Variants in XPR1 observed in about 807,000 individuals in gnomAD.
XPR1 encodes xenotropic and polytropic retrovirus receptor 1.
Under a neutral mutation model 87.5 loss-of-function variants are expected in XPR1, and 28 were observed. That is an observed-to-expected ratio of 0.32 (90% CI 0.24 to 0.44). The LOEUF (loss-of-function observed/expected upper bound fraction) is 0.44, where lower values mean the gene tolerates loss of function less well. Ranked by LOEUF, XPR1 falls within the 20% of genes least tolerant of loss-of-function variation. The pLI is 1.00. For missense variants in XPR1, 559 were observed against 862.3 expected (o/e 0.65, Z 4.41); for synonymous variants, 300 against 306.1 (o/e 0.98, Z 0.21).
chr1:180,710,743 G>C (rs1161322177), intron 2 of XPR1, among the ~76,000 whole-genome samples: 1 of 152,212 alleles, frequency 6.6e-6, no homozygotes, highest in African/African-American at 2.4e-5. Flanking sequence ...TGGCGGCTGG[G>C]CAGAGGGTCT....
Position 180,643,346 on chromosome 1 carries a change from A to G in XPR1, c.69+11076A>G, listed in dbSNP as rs896402654. 5.3e-5 allele frequency among the ~76,000 whole-genome samples: 8 copies of G among 152,184 alleles called. No homozygotes were observed. In the South Asian group the frequency reaches 1.7e-3, roughly 32 times the overall value. ...TGTCTTATAATTAATGCTATGCCAT[A>G]GTTTAATTGGCAGACATTTTTCCAT... On this transcript the variant is annotated intron_variant, in intron 1 of 14. Transcript: ENST00000367590.
intron 11 of XPR1, among the ~76,000 whole-genome samples, chr1:180,840,367 G>A (rs1651462071): frequency 6.6e-6 from 1 of 151,926 alleles, no homozygotes; most frequent in African/African-American, 2.4e-5. Flanking sequence ...AAGAGGGAGG[G>A]CAGATATATT....
Position 180,704,278 on chromosome 1 carries a change from T to TATATATATATATATATATA in XPR1, c.121+21869_121+21870insATATATATATATATATAAT, listed in dbSNP as rs1192955477. On this transcript the variant is annotated intron_variant, in intron 2 of 14. Transcript: ENST00000367590. ...TATATATATATATATATATATATAT[T>TATATATATATATATATATA]ATCAGATTATCTGTTTTGTTACTAC... Among the ~76,000 whole-genome samples the TATATATATATATATATATA allele has an allele frequency of 1.7e-3, 53 of 31,914 alleles. 2 individuals are homozygous for TATATATATATATATATATA. Among genetic ancestry groups the TATATATATATATATATATA allele is most frequent in the African/African-American group, 3.8e-3 (42 of 11,002 alleles). The allele number at this position is 31,914 out of a possible 152,430, so 20.9% of individuals were successfully genotyped here. A position where few individuals can be genotyped will look rare whatever the true frequency, so the allele number is the denominator to read the frequency against.
chr1:180,695,716 C>T (rs1047072569), intron 2 of XPR1, among the ~76,000 whole-genome samples: 2 of 151,976 alleles, frequency 1.3e-5, no homozygotes, highest in African/African-American at 4.8e-5. Context: ...TGTTCTGGAG[C>T]CTTTGTTGAT....
chr1:180,852,443 T>TCCA (rs1167995549), intron 11 of XPR1, among the ~76,000 whole-genome samples: 5 of 152,086 alleles, frequency 3.3e-5, no homozygotes, highest in African/African-American at 1.2e-4. Context: ...CCCGACCCTA[T>TCCA]CCATACCTTC....
Position 180,889,645 on chromosome 1 carries a change from AAG to A in XPR1, c.*5581_*5582del, listed in dbSNP as rs1228747711. ...GAGCCACTCACATTTCAATTACAAA[AAG>A]AACAGAACTCTTAATCACGTTGTGA... is the stretch of plus-strand genomic sequence containing the variant. On this transcript the variant is annotated 3_prime_UTR_variant, in exon 15 of 15. Transcript: ENST00000367590. 1 of 152,278 alleles carries A rather than the reference AAG, an allele frequency of 6.6e-6. No individual in the cohort carries two copies. The allele number at this position is 152,278 out of a possible 1,614,324, so 9.4% of individuals were successfully genotyped here. A position where few individuals can be genotyped will look rare whatever the true frequency, so the allele number is the denominator to read the frequency against.
In XPR1 at chr1:180,889,666, G is replaced by T. The variant is rs1216002379; in HGVS notation, c.*5600G>T. 6.6e-6 allele frequency: 1 copy of T among 152,170 alleles called. No individual in the cohort carries two copies. The highest frequency in any genetic ancestry group is 2.1e-4 in the South Asian group (1 of 4,824). 9.4% of individuals were successfully genotyped at this position (152,170 alleles called of 1,614,324 possible). A position where few individuals can be genotyped will look rare whatever the true frequency, so the allele number is the denominator to read the frequency against. On this transcript the variant is annotated 3_prime_UTR_variant, in exon 15 of 15. Coordinates refer to ENST00000367590, the MANE Select transcript of XPR1 (RefSeq NM_004736.4). ...CAAAAAGAACAGAACTCTTAATCAC[G>T]TTGTGAAGATTAATTTCTTGCCATT...
At chr1:180,713,936 G>T (rs1227797534) in intron 2 of XPR1, among the ~76,000 whole-genome samples, 1 of 152,028 alleles carries the variant, frequency 6.6e-6, no homozygotes, top group Non-Finnish European at 1.5e-5. Flanking sequence ...GGAAGAGTTT[G>T]TATATATCTG....
At chr1:180,678,934 G>A (rs564717624) in intron 1 of XPR1, among the ~76,000 whole-genome samples, 15 of 151,078 alleles carry the variant, frequency 9.9e-5, no homozygotes, top group African/African-American at 3.4e-4. Context: ...GGTGGCTCAC[G>A]CCTGTAATCC....
intron 2 of XPR1, among the ~76,000 whole-genome samples, chr1:180,762,407 T>A (rs1040213777): frequency 6.6e-6 from 1 of 152,124 alleles, no homozygotes; most frequent in South Asian, 2.1e-4. Flanking sequence ...TAATTAAAAA[T>A]AGAAAAACTG....
At chr1:180,760,512 C>T (rs1647976051) in intron 2 of XPR1, among the ~76,000 whole-genome samples, 2 of 152,124 alleles carry the variant, frequency 1.3e-5, no homozygotes, top group Admixed American at 6.5e-5. Context: ...CTTCCATTCA[C>T]CATTGCTTCA....
At chr1:180,816,905 T>C (rs1474575427) in intron 7 of XPR1, among the ~76,000 whole-genome samples, 1 of 152,184 alleles carries the variant, frequency 6.6e-6, no homozygotes, top group African/African-American at 2.4e-5. Context: ...GGCAGGTCCT[T>C]CGGGAGGTGT....
rs971325761 is a variant in XPR1, at chr1:180,874,020, T to C, written c.1808+78T>C. On this transcript the variant is annotated intron_variant, in intron 13 of 14. Coordinates refer to ENST00000367590, the MANE Select transcript of XPR1 (RefSeq NM_004736.4). ...CCCAATACTTACAAATTAGAATTTA[T>C]TATAACTTGTACTTGAAAACCTTTA... 10 of 1,417,856 alleles carry C rather than the reference T, an allele frequency of 7.1e-6. No homozygotes were observed. In the African/African-American group the frequency reaches 1.5e-4, roughly 21 times the overall value. The allele number at this position is 1,417,856 out of a possible 1,614,324, so 87.8% of individuals were successfully genotyped here.
At chr1:180,663,838 A>G (rs1309206973) in intron 1 of XPR1, among the ~76,000 whole-genome samples, 1 of 152,128 alleles carries the variant, frequency 6.6e-6, no homozygotes, top group African/African-American at 2.4e-5. Context: ...ACCTCGGCTG[A>G]GCAGGCGCTG....
intron 2 of XPR1, among the ~76,000 whole-genome samples, chr1:180,701,823 C>G (rs1469700144): frequency 7.1e-6 from 1 of 140,672 alleles, no homozygotes; most frequent in Non-Finnish European, 1.5e-5. Flanking sequence ...TGATTCTTCT[C>G]TCTTTTTTTC....
Position 180,889,643 on chromosome 1 carries a change from A to G in XPR1, c.*5577A>G, listed in dbSNP as rs1309362279. 6.6e-6 allele frequency: 1 copy of G among 152,270 alleles called. No individual in the cohort carries two copies. The highest frequency in any genetic ancestry group is 1.9e-4 in the East Asian group (1 of 5,206). 9.4% of individuals were successfully genotyped at this position (152,270 alleles called of 1,614,324 possible). A position where few individuals can be genotyped will look rare whatever the true frequency, so the allele number is the denominator to read the frequency against. ...GTGAGCCACTCACATTTCAATTACA[A>G]AAAGAACAGAACTCTTAATCACGTT... On this transcript the variant is annotated 3_prime_UTR_variant, in exon 15 of 15. Transcript: ENST00000367590.
intron 2 of XPR1, among the ~76,000 whole-genome samples, chr1:180,733,138 A>G (rs992902612): frequency 7.9e-5 from 12 of 152,130 alleles, no homozygotes; most frequent in African/African-American, 1.2e-4. Flanking sequence ...TCTGCCTGCT[A>G]CGGTCTTAGG....
At chr1:180,803,317 A>G in intron 3 of XPR1, 71 bp from the exon 4 acceptor site, 1 of 1,396,372 alleles carries the variant, frequency 7.2e-7, no homozygotes, top group Non-Finnish European at 9.7e-7. Flanking sequence ...AATGGGAATT[A>G]TTAAAAATTC....
rs1490802845 is a variant in XPR1, at chr1:180,806,456, A to G, written c.598-18A>G. 1 of 1,611,390 alleles carries G rather than the reference A, an allele frequency of 6.2e-7. No individual in the cohort carries two copies. The highest frequency in any genetic ancestry group is 1.1e-5 in the South Asian group (1 of 90,704). ...GTTTAGTATAACCTAACCAAAATGT[A>G]ATAATTTGTCTTTCTAGGCTGTAGT... On this transcript the variant is annotated intron_variant, in intron 5 of 14. Transcript: ENST00000367590.
Sources: gnomAD v4.1 joint callset for allele counts (sites outside exome capture counted in the v4.1 genomes callset) on GRCh38, gnomAD v4.1.1 for gene constraint, MANE v1.5 for transcripts, NCBI Gene and HGNC (gene_info 2026-07-23, HGNC 2026-07-21) for gene names.